GUCY2F: variants seen among roughly 807,000 people sequenced by gnomAD.
GUCY2F encodes guanylate cyclase 2F, retinal.
In GUCY2F, 61 loss-of-function variants were observed where a neutral mutation model predicts 73.1. The ratio of observed to expected loss-of-function variants is 0.83; its 90% CI spans 0.68 to 1.03. The LOEUF is 1.03. Among genes scored for constraint, GUCY2F ranks in the 50% least tolerant of loss-of-function variants. The pLI is 0.00. For synonymous variants in GUCY2F, 331 were observed against 307.8 expected (o/e 1.08, Z -0.79); for missense variants, 912 against 854.3 (o/e 1.07, Z -0.84).
At chrX:109,454,020 C>T (rs1156343864) in intron 3 of GUCY2F, among the ~76,000 whole-genome samples, 161 bp from the exon 4 acceptor site, 1 of 109,120 alleles carries the variant, frequency 9.2e-6, no homozygotes, top group East Asian at 2.9e-4. Flanking sequence ...TGCTTGGTTT[C>T]TCCCCTGAAT....
chrX:109,385,247 G>A lies in GUCY2F; in HGVS notation c.2992C>T (p.Pro998Ser). The A allele has an allele frequency of 8.4e-7, 1 of 1,187,963 alleles. No homozygotes were observed. ...VVAGVVGLTM[P>S]RYCLFGDTVN... ...GTGTCTCCAAACAAGCAGTATCTGGGCATGGTGAGGCCCACCACTCCAGCA... is the reference window on the plus strand; with the variant it reads ...GTGTCTCCAAACAAGCAGTATCTGGACATGGTGAGGCCCACCACTCCAGCA... The change falls in exon 16 of 20, where the codon CCC (proline) becomes TCC (serine). Residue 998 changes from proline (P) to serine (S), a missense_variant. Physicochemically the swap from Pro to Ser is moderately conservative, Grantham distance 74 (BLOSUM62 -1). Coordinates refer to ENST00000218006, the MANE Select transcript of GUCY2F (RefSeq NM_001522.3).
rs148944901 is a variant in GUCY2F at position 109,475,223 on chromosome X, C to G, written c.714G>C (p.Gln238His). 149 of 1,199,108 alleles carry G rather than the reference C, an allele frequency of 1.2e-4. No homozygotes were observed. The highest frequency in any genetic ancestry group is 1.5e-4 in the Non-Finnish European group (137 of 888,609). The part of the protein sequence containing the change: ...SMRKALQRIH[Q>H]ADRIRIIIMC... ...AGCACTCACTGCGAATTCTGTCTGC[C>G]TGGTGAATCCTCTGGAGGGCTTTCC... is the stretch of plus-strand genomic sequence containing the variant. Residue 238 changes from glutamine to histidine, a missense_variant, in exon 2 of 20, where the codon CAG becomes CAC. Transcript: ENST00000218006.
chrX:109,436,602 G>T (rs1931750831), intron 7 of GUCY2F, among the ~76,000 whole-genome samples: 1 of 111,910 alleles, frequency 8.9e-6, no homozygotes, highest in Non-Finnish European at 1.9e-5. Flanking sequence ...ATACTATGCA[G>T]CCATAAAAAA....
At chrX:109,443,600 G>A (rs1332265472) in intron 6 of GUCY2F, among the ~76,000 whole-genome samples, 1 of 111,561 alleles carries the variant, frequency 9.0e-6, no homozygotes, top group Non-Finnish European at 1.9e-5. Flanking sequence ...CCCAAATATG[G>A]TTTATGTCCC....
chrX:109,462,076 C>T (rs771160696), intron 3 of GUCY2F, among the ~76,000 whole-genome samples: 1 of 112,695 alleles, frequency 8.9e-6, no homozygotes, highest in East Asian at 2.8e-4. Context: ...TGCTAGGTCA[C>T]CACCAATCAA....
Position 109,385,237 on chromosome X carries a change from C to T in GUCY2F, c.3002G>A (p.Cys1001Tyr). ...TGTGTTCACAGTGTCTCCAAACAAG[C>T]AGTATCTGGGCATGGTGAGGCCCAC... ...GVVGLTMPRY[C>Y]LFGDTVNTAS... Residue 1001 changes from cysteine (C) to tyrosine (Y), a missense_variant, in exon 16 of 20, where the codon TGC (cysteine) becomes TAC (tyrosine). Transcript: ENST00000218006. 6 of 1,197,145 alleles carry T rather than the reference C, an allele frequency of 5.0e-6. No individual in the cohort carries two copies. Among genetic ancestry groups the T allele is most frequent in the Middle Eastern group, 2.3e-4 (1 of 4,298 alleles).
chrX:109,460,077 G>A (rs1041332170), intron 3 of GUCY2F, among the ~76,000 whole-genome samples: 4 of 111,251 alleles, frequency 3.6e-5, no homozygotes, highest in South Asian at 7.5e-4. Flanking sequence ...AACTCTCCCA[G>A]AAAGGAAAAC....
intron 19 of GUCY2F, among the ~76,000 whole-genome samples, chrX:109,374,689 G>C (rs1298839379): frequency 9.0e-6 from 1 of 111,444 alleles, no homozygotes; most frequent in Non-Finnish European, 1.9e-5. Context: ...GTCTGTCTGT[G>C]TCAGAGGTTG....
rs1931584460 is a variant in GUCY2F at position 109,430,392 on chromosome X, T to A, written c.1706A>T (p.Asp569Val). The change falls in exon 8 of 20, where the codon GAT becomes GTT. Residue 569 changes from aspartate (D) to valine (V), a missense_variant. Asp to Val is a radical substitution (Grantham distance 152). Transcript: ENST00000218006. ...ENSNIAIYEG[D>V]WVWLKKFSLG... ...GGAGAACTTTTTCAGCCACACCCAATCACCCTAGAAAGAAAAGGAGGAGAA... is the reference window on the plus strand; with the variant it reads ...GGAGAACTTTTTCAGCCACACCCAAACACCCTAGAAAGAAAAGGAGGAGAA... The A allele has an allele frequency of 9.4e-7, 1 of 1,067,715 alleles. No individual in the cohort carries two copies. The highest frequency in any genetic ancestry group is 1.3e-6 in the Non-Finnish European group (1 of 764,558). The allele number at this position is 1,067,715 out of a possible 1,213,427, so 88.0% of individuals were successfully genotyped here. A position where few individuals can be genotyped will look rare whatever the true frequency, so the allele number is the denominator to read the frequency against.
At chrX:109,376,381 A>C (rs1489156410) in intron 17 of GUCY2F, among the ~76,000 whole-genome samples, 1 of 111,740 alleles carries the variant, frequency 8.9e-6, no homozygotes, top group East Asian at 2.8e-4. Flanking sequence ...CATCATTGGG[A>C]ATGTGTGGAT....
At chrX:109,455,057 T>C (rs1932230343) in intron 3 of GUCY2F, among the ~76,000 whole-genome samples, 1 of 111,530 alleles carries the variant, frequency 9.0e-6, no homozygotes, top group Non-Finnish European at 1.9e-5. Flanking sequence ...CTTGTTAATG[T>C]AGAGTGGGAG....
chrX:109,417,684 A>T (rs189557635), intron 8 of GUCY2F, among the ~76,000 whole-genome samples: 1 of 111,126 alleles, frequency 9.0e-6, no homozygotes, highest in African/African-American at 3.3e-5. Flanking sequence ...AAACATTTCA[A>T]TTAGAAGACA....
chrX:109,422,619 A>G (rs1379830884), intron 8 of GUCY2F, among the ~76,000 whole-genome samples: 1 of 112,308 alleles, frequency 8.9e-6, no homozygotes, highest in Non-Finnish European at 1.9e-5. Flanking sequence ...AACTGACAAC[A>G]TCAAATATTG....
At chrX:109,379,856 G>T (rs895063045) in intron 17 of GUCY2F, among the ~76,000 whole-genome samples, 1 of 112,317 alleles carries the variant, frequency 8.9e-6, no homozygotes, top group Admixed American at 9.4e-5. Flanking sequence ...GTGGGCAATG[G>T]GCAGTGGGCC....
chrX:109,456,522 G>C (rs753038689), intron 3 of GUCY2F, among the ~76,000 whole-genome samples: 2 of 111,187 alleles, frequency 1.8e-5, no homozygotes, highest in Admixed American at 1.9e-4. Context: ...CAACACACTG[G>C]GTTTTCAGCT....
At chrX:109,405,312 G>C (rs151113679) in intron 9 of GUCY2F, among the ~76,000 whole-genome samples, 4 of 111,693 alleles carry the variant, frequency 3.6e-5, no homozygotes, top group African/African-American at 1.3e-4. Context: ...GAAGAAAGAG[G>C]GTTGAGTAAA....
At chrX:109,449,517 A>G (rs1461167269) in intron 5 of GUCY2F, among the ~76,000 whole-genome samples, 1 of 111,925 alleles carries the variant, frequency 8.9e-6, no homozygotes, top group African/African-American at 3.3e-5. Flanking sequence ...ACTCTAGTAG[A>G]AAGCAAACTG....
intron 6 of GUCY2F, among the ~76,000 whole-genome samples, chrX:109,447,283 C>T (rs2147275162): frequency 1.8e-5 from 2 of 110,837 alleles, no homozygotes; most frequent in African/African-American, 6.6e-5. Context: ...GGGTATATAC[C>T]CAAAGGATTA....
At chrX:109,476,139 C>A (rs987863404) in intron 1 of GUCY2F, 118 bp from the exon 2 acceptor site, 3 of 355,009 alleles carry the variant, frequency 8.5e-6, no homozygotes, top group Non-Finnish European at 1.4e-5. Flanking sequence ...CTAAAAGTTT[C>A]TTTCCCCCAT....
Sources: gnomAD v4.1 joint callset for allele counts (sites outside exome capture counted in the v4.1 genomes callset) on GRCh38, gnomAD v4.1.1 for gene constraint, MANE v1.5 for transcripts, NCBI Gene and HGNC (gene_info 2026-07-23, HGNC 2026-07-21) for gene names.